Variants in SNX29 observed in about 807,000 individuals in gnomAD.
SNX29 encodes the protein sorting nexin-29.
Under a neutral mutation model 102.1 loss-of-function variants are expected in SNX29, and 78 were observed. The observed-to-expected ratio is 0.76, with a 90% CI of 0.64 to 0.92. SNX29 has a LOEUF of 0.92. SNX29 is among the 40% of genes least tolerant of loss of function. SNX29 has a pLI of 0.00. For synonymous variants in SNX29, 580 were observed against 414.5 expected (o/e 1.40, Z -4.85); for missense variants, 1,280 against 1,061.7 (o/e 1.21, Z -2.86).
chr16:12,185,654 A>G (rs1003690779), intron 13 of SNX29, among the ~76,000 whole-genome samples: 3 of 152,100 alleles, frequency 2.0e-5, no homozygotes, highest in Non-Finnish European at 4.4e-5. Flanking sequence ...TTCGCAGTCC[A>G]TGTTTCTGCC....
At chr16:12,340,702 CCT>C (rs1389232473) in intron 15 of SNX29, among the ~76,000 whole-genome samples, 1 of 152,094 alleles carries the variant, frequency 6.6e-6, no homozygotes, top group Non-Finnish European at 1.5e-5. Context: ...GACGATCTCC[CCT>C]GTCTCTCTTT....
intron 16 of SNX29, chr16:12,372,541 G>A (rs1172868257): frequency 1.3e-5 from 2 of 152,228 alleles, no homozygotes; most frequent in Non-Finnish European, 2.9e-5. Flanking sequence ...CCTTGCCCTG[G>A]AGGTTCATGA....
chr16:12,023,376 C>G (rs1469944841), intron 3 of SNX29, among the ~76,000 whole-genome samples: 1 of 149,330 alleles, frequency 6.7e-6, no homozygotes, highest in Non-Finnish European at 1.5e-5. Context: ...TGGGAACCCC[C>G]CAGCCCTCTC....
At chr16:11,993,743 A>G (rs1271650669) in intron 1 of SNX29, among the ~76,000 whole-genome samples, 2 of 152,210 alleles carry the variant, frequency 1.3e-5, no homozygotes, top group African/African-American at 4.8e-5. Context: ...GACCCCAGGC[A>G]GAAGGCTAGA....
chr16:12,565,840 G>T (rs1277183129), intron 20 of SNX29, among the ~76,000 whole-genome samples: 1 of 151,960 alleles, frequency 6.6e-6, no homozygotes, highest in Non-Finnish European at 1.5e-5. Context: ...CCACACCTCT[G>T]CCTCCTCCGG....
At chr16:12,181,442 T>C (rs1043672984) in intron 13 of SNX29, among the ~76,000 whole-genome samples, 1 of 152,158 alleles carries the variant, frequency 6.6e-6, no homozygotes, top group Non-Finnish European at 1.5e-5. Flanking sequence ...TTGCATTCTT[T>C]TGAGTTTCTG....
chr16:12,388,184 C>T (rs924332180), intron 16 of SNX29, among the ~76,000 whole-genome samples: 1 of 152,144 alleles, frequency 6.6e-6, no homozygotes, highest in Non-Finnish European at 1.5e-5. Context: ...CATGTTTCTT[C>T]TGGGGGAGAC....
intron 16 of SNX29, chr16:12,373,912 C>G (rs1345082726): frequency 6.6e-6 from 1 of 152,242 alleles, no homozygotes; most frequent in African/African-American, 2.4e-5. Context: ...TTGCCCGCCT[C>G]TGGTTTTCCT....
At chr16:12,305,260 A>C (rs372682347) in intron 15 of SNX29, among the ~76,000 whole-genome samples, 2 of 152,230 alleles carry the variant, frequency 1.3e-5, no homozygotes, top group African/African-American at 4.8e-5. Flanking sequence ...GCCACCTGAC[A>C]AGTCTTGGCA....
intron 13 of SNX29, among the ~76,000 whole-genome samples, chr16:12,157,376 C>G (rs1480532159): frequency 3.9e-5 from 6 of 152,076 alleles, no homozygotes; most frequent in South Asian, 2.1e-4. Flanking sequence ...TGGCCCTCCA[C>G]AGCATGAGGG....
intron 20 of SNX29, among the ~76,000 whole-genome samples, chr16:12,542,145 C>G (rs8062450): frequency 2.0e-5 from 3 of 152,138 alleles, no homozygotes; most frequent in African/African-American, 4.8e-5. Flanking sequence ...TCAGCCCACG[C>G]TACCTGGGCT....
intron 11 of SNX29, among the ~76,000 whole-genome samples, chr16:12,115,943 A>T (rs905312676): frequency 3.3e-5 from 5 of 151,764 alleles, no homozygotes; most frequent in African/African-American, 1.2e-4. Flanking sequence ...CCCTCGTCCC[A>T]CTCTCCCTAA....
At chr16:12,187,670 TC>T (rs199870025) in intron 13 of SNX29, among the ~76,000 whole-genome samples, 4,277 of 152,160 alleles carry the variant, frequency 0.028, 80 homozygotes, top group African/African-American at 0.056. Flanking sequence ...TTGCCTGTTC[TC>T]CCCCCAACCC....
intron 18 of SNX29, among the ~76,000 whole-genome samples, chr16:12,412,647 C>G (rs1558819): frequency 0.098 from 14,873 of 152,166 alleles, 1,201 homozygotes; most frequent in African/African-American, 0.21. Context: ...TAGAGCTCAC[C>G]TGTGTGTGCG....
At chr16:12,080,089 G>C (rs2051789745) in intron 11 of SNX29, among the ~76,000 whole-genome samples, 1 of 152,092 alleles carries the variant, frequency 6.6e-6, no homozygotes, top group Admixed American at 6.6e-5. Context: ...TACAAAATGG[G>C]CTCTTGGTAC....
rs1555518208 is a variant in SNX29, at chr16:12,011,189, G to GA, written c.122+8146_122+8147insA. 1.3e-3 allele frequency among the ~76,000 whole-genome samples: 158 copies of GA among 124,048 alleles called. 1 individual carries two copies. Among genetic ancestry groups the GA allele is most frequent in the African/African-American group, 4.6e-3 (155 of 33,482 alleles). The allele number at this position is 124,048 out of a possible 152,430, so 81.4% of individuals were successfully genotyped here. The stretch of plus-strand genomic sequence containing the variant: ...TGCTTGATTAAATGAATTGCTTGGG[G>GA]TTTTTTTTTTTTTTTTTTTGAAAAA... On this transcript the variant is annotated intron_variant, in intron 3 of 20. Transcript: ENST00000566228.
chr16:12,014,732 CAAA>C (rs201224471), intron 3 of SNX29, among the ~76,000 whole-genome samples: 2 of 72,102 alleles, frequency 2.8e-5, no homozygotes, highest in Non-Finnish European at 5.0e-5. Flanking sequence ...AGCTCCGTCT[CAAA>C]AAAAAAAAAA....
intron 13 of SNX29, among the ~76,000 whole-genome samples, chr16:12,198,053 T>A (rs1030821194): frequency 2.0e-5 from 3 of 152,084 alleles, no homozygotes; most frequent in Admixed American, 6.5e-5. Context: ...ATAGACTGAG[T>A]GAGAGGCTTA....
chr16:12,069,175 C>G, intron 10 of SNX29, 43 bp downstream of exon 10: 1 of 1,507,810 alleles, frequency 6.6e-7, no homozygotes, highest in Non-Finnish European at 9.1e-7. Flanking sequence ...TTAAAACATC[C>G]TATTCACAGC....
Sources: allele counts gnomAD v4.1 joint callset (sites outside exome capture counted in the v4.1 genomes callset), GRCh38; gene constraint gnomAD v4.1.1; transcripts MANE v1.5; gene names NCBI Gene and HGNC (gene_info 2026-07-23, HGNC 2026-07-21).